The following PKNOX2 variants were observed in gnomAD, a reference collection of about 807,000 sequenced individuals.
PKNOX2 encodes the protein PBX/knotted 1 homeobox 2, also known as homeobox protein PKNOX2.
PKNOX2 carries 14 observed loss-of-function variants against 53.1 expected under a neutral mutation model. That is an observed-to-expected ratio of 0.26 (90% confidence interval 0.17 to 0.41). The LOEUF is 0.41. Ranked by LOEUF, PKNOX2 falls within the 10% of genes least tolerant of loss-of-function variation. The pLI is 1.00. For synonymous variants in PKNOX2, 257 were observed against 242.8 expected (o/e 1.06, Z -0.54); for missense variants, 496 against 602.8 (o/e 0.82, Z 1.85).
intron 2 of PKNOX2, among the ~76,000 whole-genome samples, chr11:125,287,156 T>A (rs907255636): frequency 6.6e-6 from 1 of 152,190 alleles, no homozygotes; most frequent in African/African-American, 2.4e-5. Flanking sequence ...ATTTTGTAGA[T>A]GAGGCAACTG....
chr11:125,361,604 C>T (rs1951931058), intron 4 of PKNOX2, among the ~76,000 whole-genome samples: 2 of 152,100 alleles, frequency 1.3e-5, no homozygotes, highest in South Asian at 4.1e-4. Context: ...GGTACATGTG[C>T]ACAATGTGCA....
intron 2 of PKNOX2, among the ~76,000 whole-genome samples, chr11:125,250,146 C>A (rs1361950920): frequency 6.6e-6 from 1 of 151,394 alleles, no homozygotes; most frequent in Non-Finnish European, 1.5e-5. Flanking sequence ...GAACTCCTAG[C>A]CTCAAATGAC....
chr11:125,403,043 G>T (rs1452658165), intron 7 of PKNOX2, among the ~76,000 whole-genome samples: 1 of 152,176 alleles, frequency 6.6e-6, no homozygotes, highest in Non-Finnish European at 1.5e-5. Context: ...ATAAAGGTGA[G>T]TGTTTCCAAT....
chr11:125,202,331 C>T (rs1938548245), intron 1 of PKNOX2, among the ~76,000 whole-genome samples: 1 of 152,162 alleles, frequency 6.6e-6, no homozygotes, highest in Non-Finnish European at 1.5e-5. Flanking sequence ...GGGCCTTATC[C>T]CTGATGGCTG....
At chr11:125,346,343 T>A (rs1950969208) in intron 3 of PKNOX2, among the ~76,000 whole-genome samples, 1 of 152,294 alleles carries the variant, frequency 6.6e-6, no homozygotes, top group African/African-American at 2.4e-5. Flanking sequence ...AATCCAACCC[T>A]TTCCGTTCCA....
chr11:125,276,054 G>T (rs1038782109), intron 2 of PKNOX2, among the ~76,000 whole-genome samples: 1 of 152,166 alleles, frequency 6.6e-6, no homozygotes, highest in Non-Finnish European at 1.5e-5. Flanking sequence ...CCAGAGGAGC[G>T]AAGTATCAGG....
intron 10 of PKNOX2, among the ~76,000 whole-genome samples, chr11:125,414,746 GAA>G (rs5795453): frequency 0.13 from 19,366 of 145,780 alleles, 1,616 homozygotes; most frequent in African/African-American, 0.25. Flanking sequence ...CTATTTCTTT[GAA>G]AAAAAAAAAA....
intron 2 of PKNOX2, among the ~76,000 whole-genome samples, chr11:125,267,592 G>T (rs1490013751): frequency 2.0e-5 from 3 of 152,182 alleles, no homozygotes; most frequent in East Asian, 1.9e-4. Flanking sequence ...GCAGGTATCT[G>T]GAAGTAAAAA....
At chr11:125,379,021 T>C (rs1355644471) in intron 5 of PKNOX2, among the ~76,000 whole-genome samples, 2 of 150,978 alleles carry the variant, frequency 1.3e-5, no homozygotes, top group Admixed American at 6.6e-5. Flanking sequence ...GAAAGAGAAA[T>C]GAAAAAGGAT....
intron 2 of PKNOX2, among the ~76,000 whole-genome samples, chr11:125,245,925 G>A (rs1359211793): frequency 6.6e-6 from 1 of 152,118 alleles, no homozygotes; most frequent in Non-Finnish European, 1.5e-5. Flanking sequence ...TGTTTTTAAG[G>A]GTGAGTGCTA....
intron 1 of PKNOX2, among the ~76,000 whole-genome samples, chr11:125,206,261 G>T (rs624677): frequency 0.47 from 71,075 of 151,694 alleles, 17,357 homozygotes; most frequent in Middle Eastern, 0.55. Context: ...TTGTAGGCTC[G>T]GACTGATGCT....
chr11:125,344,203 T>A (rs1026518554), intron 3 of PKNOX2, among the ~76,000 whole-genome samples: 7 of 152,034 alleles, frequency 4.6e-5, no homozygotes, highest in Non-Finnish European at 1.5e-5. Flanking sequence ...TAGGCTGGGG[T>A]CAGTGAGTGC....
At chr11:125,267,259 G>A (rs1332945111) in intron 2 of PKNOX2, among the ~76,000 whole-genome samples, 2 of 152,174 alleles carry the variant, frequency 1.3e-5, no homozygotes, top group Non-Finnish European at 2.9e-5. Flanking sequence ...GTGCTCATGT[G>A]TGTGTTCCCG....
At chr11:125,429,792 C>T (rs982744060) in intron 11 of PKNOX2, among the ~76,000 whole-genome samples, 171 bp from the exon 12 acceptor site, 1 of 152,208 alleles carries the variant, frequency 6.6e-6, no homozygotes, top group African/African-American at 2.4e-5. Context: ...CAGGAAATTT[C>T]ATGAACTTCT....
At chr11:125,252,111 A>G (rs1437808090) in intron 2 of PKNOX2, among the ~76,000 whole-genome samples, 1 of 152,194 alleles carries the variant, frequency 6.6e-6, no homozygotes, top group East Asian at 1.9e-4. Flanking sequence ...AGCGGTGAAG[A>G]GGGCACTTTG....
chr11:125,395,568 C>T (rs1345030883), intron 6 of PKNOX2, among the ~76,000 whole-genome samples: 1 of 152,192 alleles, frequency 6.6e-6, no homozygotes, highest in Non-Finnish European at 1.5e-5. Flanking sequence ...GTCTCCAGTT[C>T]CTCACCAGCA....
intron 10 of PKNOX2, among the ~76,000 whole-genome samples, chr11:125,421,580 T>C (rs10750297): frequency 0.26 from 39,249 of 152,128 alleles, 6,074 homozygotes; most frequent in East Asian, 0.57. Flanking sequence ...AAAATGGAGA[T>C]AGAAATGCTA....
At chr11:125,174,960 A>G (rs1467323535) in intron 1 of PKNOX2, among the ~76,000 whole-genome samples, 3 of 152,106 alleles carry the variant, frequency 2.0e-5, no homozygotes, top group Non-Finnish European at 4.4e-5. Flanking sequence ...TCTGGAGGAA[A>G]GCCAAGGAGC....
chr11:125,343,781 G>C (rs1171797662), intron 3 of PKNOX2, among the ~76,000 whole-genome samples: 3 of 152,016 alleles, frequency 2.0e-5, no homozygotes, highest in Non-Finnish European at 4.4e-5. Flanking sequence ...GCAAGACCAC[G>C]AAGAGGGCGC....
Sources: allele counts gnomAD v4.1 joint callset (sites outside exome capture counted in the v4.1 genomes callset), GRCh38; gene constraint gnomAD v4.1.1; transcripts MANE v1.5; gene names NCBI Gene and HGNC (gene_info 2026-07-23, HGNC 2026-07-21).